RMDN2: variants seen among roughly 807,000 people sequenced by gnomAD.
RMDN2 encodes the protein regulator of microtubule dynamics protein 2.
RMDN2 carries 61 observed loss-of-function variants against 52.8 expected under a neutral mutation model. The observed-to-expected ratio is 1.16, with a 90% CI of 0.94 to 1.43. The LOEUF (loss-of-function observed/expected upper bound fraction) is 1.43. Ranked by LOEUF, RMDN2 falls within the 40% of genes most tolerant of loss-of-function variation. RMDN2 has a pLI of 0.00. For synonymous variants in RMDN2, 180 were observed against 153.1 expected (o/e 1.18, Z -1.30); for missense variants, 592 against 475.3 (o/e 1.25, Z -2.28).
intron 10 of RMDN2, among the ~76,000 whole-genome samples, chr2:38,059,747 C>T (rs1681968121): frequency 6.6e-6 from 1 of 152,102 alleles, no homozygotes; most frequent in Non-Finnish European, 1.5e-5. Context: ...AGGTGCTGAC[C>T]TCTGCAGAGC....
At chr2:37,996,730 C>A (rs1675605042) in intron 7 of RMDN2, among the ~76,000 whole-genome samples, 1 of 151,940 alleles carries the variant, frequency 6.6e-6, no homozygotes, top group South Asian at 2.1e-4. Context: ...CATTTTTGAG[C>A]CAGTTTAATC....
chr2:37,948,839 T>C (rs1668452517), intron 2 of RMDN2, among the ~76,000 whole-genome samples: 1 of 152,196 alleles, frequency 6.6e-6, no homozygotes, highest in Non-Finnish European at 1.5e-5. Context: ...GGGAGTGATC[T>C]GACCTCTTTA....
chr2:37,946,535 C>T (rs1668234955), intron 2 of RMDN2, among the ~76,000 whole-genome samples: 2 of 152,140 alleles, frequency 1.3e-5, no homozygotes, highest in East Asian at 1.9e-4. Flanking sequence ...GCACATGATA[C>T]ATTATCATGA....
chr2:38,054,615 C>T (rs1454533034), intron 10 of RMDN2, among the ~76,000 whole-genome samples: 2 of 152,182 alleles, frequency 1.3e-5, no homozygotes, highest in Admixed American at 1.3e-4. Context: ...TTTATTGTCC[C>T]CTCCCGTGTG....
At chr2:37,991,072 T>C (rs1307612761) in intron 6 of RMDN2, 148 bp from the exon 7 acceptor site, 2 of 404,624 alleles carry the variant, frequency 4.9e-6, no homozygotes, top group East Asian at 7.3e-5. Context: ...AATTTAGTTA[T>C]TGATAAGATT....
At chr2:38,050,407 TTC>T (rs1681522162) in intron 10 of RMDN2, among the ~76,000 whole-genome samples, 1 of 152,120 alleles carries the variant, frequency 6.6e-6, no homozygotes. Context: ...CAGCCCCAAT[TTC>T]TCTGATTCTC....
chr2:37,931,858 C>G (rs1277225317), intron 2 of RMDN2, among the ~76,000 whole-genome samples: 1 of 152,124 alleles, frequency 6.6e-6, no homozygotes, highest in Non-Finnish European at 1.5e-5. Flanking sequence ...TTGCTTGATC[C>G]TGGGTGCCTT....
chr2:37,981,212 G>C (rs1310903615), intron 4 of RMDN2, 71 bp from the exon 5 acceptor site: 1 of 929,118 alleles, frequency 1.1e-6, no homozygotes, highest in Admixed American at 1.8e-5. Flanking sequence ...TGTGAACCAT[G>C]AGTTAATTCA....
At chr2:37,966,715 C>T (rs1392302288) in intron 2 of RMDN2, among the ~76,000 whole-genome samples, 1 of 151,992 alleles carries the variant, frequency 6.6e-6, no homozygotes, top group Non-Finnish European at 1.5e-5. Flanking sequence ...TTGGTCCCTT[C>T]CAGTAAATTT....
chr2:37,949,778 A>C (rs975201422), intron 2 of RMDN2: 1 of 152,128 alleles, frequency 6.6e-6, no homozygotes, highest in Non-Finnish European at 1.5e-5. Flanking sequence ...GGGGTGTTTC[A>C]TGTCATAGGT....
chr2:38,009,060 C>T (rs1336645960), intron 10 of RMDN2, among the ~76,000 whole-genome samples: 4 of 152,210 alleles, frequency 2.6e-5, no homozygotes, highest in Non-Finnish European at 4.4e-5. Context: ...TGTAGAGTTT[C>T]TGCTGAGAGA....
chr2:38,026,294 G>C (rs774565794), intron 10 of RMDN2, among the ~76,000 whole-genome samples: 1 of 151,926 alleles, frequency 6.6e-6, no homozygotes, highest in Non-Finnish European at 1.5e-5. Context: ...AAAATCTGTA[G>C]TGATGCCACC....
chr2:38,056,337 G>T (rs1010648550), intron 10 of RMDN2, among the ~76,000 whole-genome samples: 1 of 152,200 alleles, frequency 6.6e-6, no homozygotes, highest in Non-Finnish European at 1.5e-5. Flanking sequence ...GAATTACGTA[G>T]TTCTTAATCG....
rs147688126 is a variant in RMDN2 at position 38,004,146 on chromosome 2, A to T, written c.1109A>T (p.Asp370Val). ...NYMYLAKCYT[D>V]LEENQNALKF... ...ATTTCTCATTTCCAGTGTTATACTG[A>T]TCTTGAGGAAAACCAGAATGCTTTG... The change falls in exon 10 of 11, where the codon GAT (aspartate) becomes GTT (valine). Residue 370 changes from aspartate (D) to valine (V), a missense_variant. By Grantham distance (152) the Asp-to-Val change is radical. Coordinates refer to ENST00000354545, the MANE Select transcript of RMDN2 (RefSeq NM_001170791.3). 135 of 1,613,614 alleles carry T rather than the reference A, an allele frequency of 8.4e-5. 1 individual carries two copies. The Middle Eastern group carries it at 1.3e-3, about 16-fold the overall frequency.
At chr2:38,015,671 A>G (rs1678668856) in intron 10 of RMDN2, among the ~76,000 whole-genome samples, 2 of 152,254 alleles carry the variant, frequency 1.3e-5, no homozygotes, top group African/African-American at 4.8e-5. Flanking sequence ...AGGAAGCTGC[A>G]CAGAGATGTG....
intron 10 of RMDN2, among the ~76,000 whole-genome samples, chr2:38,066,448 T>C (rs1682285236): frequency 6.6e-6 from 1 of 152,266 alleles, no homozygotes; most frequent in Non-Finnish European, 1.5e-5. Context: ...ATTTTTTTCT[T>C]CTTTCCTTTT....
At chr2:37,926,816 G>T (rs946837221) in intron 1 of RMDN2, among the ~76,000 whole-genome samples, 1 of 152,148 alleles carries the variant, frequency 6.6e-6, no homozygotes, top group Non-Finnish European at 1.5e-5. Flanking sequence ...CACGCTTGTG[G>T]TCCTAGCTAC....
At chr2:37,950,312 C>T in intron 2 of RMDN2, 1 of 714,082 alleles carries the variant, frequency 1.4e-6, no homozygotes, top group Non-Finnish European at 2.3e-6. Flanking sequence ...TTGGATGACT[C>T]CTCCAACAGT....
intron 4 of RMDN2, among the ~76,000 whole-genome samples, chr2:37,977,611 G>A (rs141533187): frequency 0.03 from 4,564 of 151,848 alleles, 221 homozygotes; most frequent in African/African-American, 0.11. Flanking sequence ...CAGACCGGGC[G>A]GCCGCTCAGA....
Sources: allele counts gnomAD v4.1 joint callset (sites outside exome capture counted in the v4.1 genomes callset), GRCh38; gene constraint gnomAD v4.1.1; transcripts MANE v1.5; gene names NCBI Gene and HGNC (gene_info 2026-07-23, HGNC 2026-07-21).